VAV3: variants seen among roughly 807,000 people sequenced by gnomAD.
The protein encoded by VAV3 is guanine nucleotide exchange factor VAV3.
A neutral mutation model predicts 131.2 loss-of-function variants in VAV3; 94 were observed. That is an observed-to-expected ratio of 0.72 (90% confidence interval 0.61 to 0.85). The LOEUF (loss-of-function observed/expected upper bound fraction) is 0.85, where lower values mean the gene tolerates loss of function less well. Ranked by LOEUF, VAV3 falls within the 40% of genes least tolerant of loss-of-function variation. The pLI is 0.00. For missense variants in VAV3, 939 were observed against 1,002.7 expected (o/e 0.94, Z 0.86); for synonymous variants, 349 against 342.0 (o/e 1.02, Z -0.22).
intron 1 of VAV3, among the ~76,000 whole-genome samples, chr1:107,925,674 G>T (rs1006099377): frequency 3.3e-5 from 5 of 152,054 alleles, no homozygotes; most frequent in Non-Finnish European, 5.9e-5. Flanking sequence ...CAATGGCTAG[G>T]GGAAGGGGGA....
At chr1:107,707,252 C>T (rs1245731434) in intron 15 of VAV3, among the ~76,000 whole-genome samples, 2 of 151,944 alleles carry the variant, frequency 1.3e-5, no homozygotes, top group Non-Finnish European at 1.5e-5. Flanking sequence ...ACTCTATGAC[C>T]CTGAAACTGC....
chr1:107,602,628 C>A, intron 23 of VAV3, 144 bp from the exon 24 acceptor site: 1 of 578,734 alleles, frequency 1.7e-6, no homozygotes, highest in Non-Finnish European at 2.8e-6. Flanking sequence ...CTGGTGACAG[C>A]TAATTAACAA....
Position 107,955,000 on chromosome 1 carries a change from T to C in VAV3, c.204+9666A>G, listed in dbSNP as rs550234117. On this transcript the variant is annotated intron_variant, in intron 1 of 26. Transcript: ENST00000370056. The stretch of plus-strand genomic sequence containing the variant: ...TTGGACAATTAGATGAGATAATGCA[T>C]GGAAAGCTTTAGTAACTGCCTTGTA... Among the ~76,000 whole-genome samples the C allele has an allele frequency of 8.8e-4, 134 of 152,316 alleles. 1 individual carries two copies. The highest frequency in any genetic ancestry group is 3.1e-3 in the African/African-American group (130 of 41,574).
chr1:107,768,539 T>A (rs767676503), intron 6 of VAV3, 30 bp from the exon 7 acceptor site: 1 of 1,548,024 alleles, frequency 6.5e-7, no homozygotes, highest in Non-Finnish European at 8.9e-7. Flanking sequence ...AAATAGTAAT[T>A]AAGTATAACT....
At position 107,751,109 on chromosome 1, in the gene VAV3, T is replaced by C. The variant is rs1663695693; in HGVS notation, c.1259+8A>G. 1 of 1,607,078 alleles carries C rather than the reference T, an allele frequency of 6.2e-7. No individual in the cohort carries two copies. Among genetic ancestry groups the C allele is most frequent in the East Asian group, 2.2e-5 (1 of 44,720 alleles). On this transcript the variant is annotated splice_region_variant and intron_variant, in intron 13 of 26. Transcript: ENST00000370056. ...CTTATTTTGAAAATAGTATTCTTCT[T>C]TTCTTACCTTTCTTGTTTGGTATGC...
chr1:107,746,718 A>T (rs1285568781), intron 15 of VAV3, among the ~76,000 whole-genome samples: 1 of 152,194 alleles, frequency 6.6e-6, no homozygotes, highest in Admixed American at 6.5e-5. Context: ...ATGTAACAGA[A>T]GCGAGTGGTA....
chr1:107,701,994 C>T (rs1660160924), intron 17 of VAV3, among the ~76,000 whole-genome samples: 2 of 152,216 alleles, frequency 1.3e-5, no homozygotes, highest in Non-Finnish European at 2.9e-5. Flanking sequence ...TCCAAAGTCG[C>T]TTCCACATTT....
chr1:107,592,622 A>G (rs111816115), intron 25 of VAV3, among the ~76,000 whole-genome samples: 7,892 of 152,172 alleles, frequency 0.052, 222 homozygotes, highest in Middle Eastern at 0.088. Flanking sequence ...ATCTGTTAAC[A>G]TTACCTTACC....
chr1:107,598,590 C>T (rs1187640168), intron 24 of VAV3, among the ~76,000 whole-genome samples: 8 of 151,868 alleles, frequency 5.3e-5, no homozygotes, highest in South Asian at 2.1e-4. Flanking sequence ...GTAATCAGAC[C>T]GACCTTTAAA....
chr1:107,884,470 T>G (rs1253377751), intron 1 of VAV3, among the ~76,000 whole-genome samples: 2 of 150,292 alleles, frequency 1.3e-5, no homozygotes, highest in East Asian at 3.9e-4. Flanking sequence ...AGGTTCTTTC[T>G]TGCTCTGTCA....
At chr1:107,752,541 C>T (rs1663800915) in intron 12 of VAV3, among the ~76,000 whole-genome samples, 1 of 151,982 alleles carries the variant, frequency 6.6e-6, no homozygotes, top group African/African-American at 2.4e-5. Flanking sequence ...AAAGTATTTG[C>T]AAACCATATG....
intron 12 of VAV3, among the ~76,000 whole-genome samples, chr1:107,752,272 A>T (rs1663781250): frequency 6.6e-6 from 1 of 152,214 alleles, no homozygotes; most frequent in African/African-American, 2.4e-5. Context: ...TGCTGGGAAA[A>T]CTGGATATCC....
At chr1:107,804,761 G>T (rs970508557) in intron 2 of VAV3, among the ~76,000 whole-genome samples, 3 of 151,580 alleles carry the variant, frequency 2.0e-5, no homozygotes, top group East Asian at 1.9e-4. Flanking sequence ...AATATTTTTG[G>T]TTTTTTTTGT....
intron 2 of VAV3, among the ~76,000 whole-genome samples, chr1:107,847,422 C>T (rs941564726): frequency 2.8e-4 from 43 of 151,924 alleles, no homozygotes; most frequent in South Asian, 2.1e-4. Context: ...TAACTAAGAT[C>T]AGAGCAGAAA....
intron 25 of VAV3, among the ~76,000 whole-genome samples, chr1:107,593,261 C>T (rs1475129936): frequency 6.6e-6 from 1 of 152,102 alleles, no homozygotes; most frequent in Admixed American, 6.6e-5. Context: ...TCACATTGTA[C>T]ATACTTGAAA....
chr1:107,763,560 G>A (rs535046693), intron 9 of VAV3, among the ~76,000 whole-genome samples: 5 of 149,460 alleles, frequency 3.3e-5, no homozygotes, highest in Non-Finnish European at 7.5e-5. Flanking sequence ...AGTCACAGTG[G>A]CTCCCAGCTC....
chr1:107,760,111 G>A (rs1409999310), intron 10 of VAV3, among the ~76,000 whole-genome samples: 1 of 152,142 alleles, frequency 6.6e-6, no homozygotes, highest in Non-Finnish European at 1.5e-5. Flanking sequence ...ACGCAAAATT[G>A]TATTTCACAT....
intron 2 of VAV3, among the ~76,000 whole-genome samples, chr1:107,832,093 T>C (rs898306156): frequency 3.9e-5 from 6 of 152,192 alleles, no homozygotes; most frequent in African/African-American, 1.4e-4. Context: ...GTCAGTCTCA[T>C]CTGGCAAGTA....
chr1:107,744,593 AAAAC>A lies in VAV3; in HGVS notation c.1502+4371_1502+4374del, dbSNP rs754453566. On this transcript the variant is annotated intron_variant, in intron 15 of 26. Transcript: ENST00000370056. ...TTTTGCTAACTTTTCTTTTTTTAAAAAAACAAACAAACATTTTTTGCCATTAAAA... is the reference window on the plus strand; with the variant it reads ...TTTTGCTAACTTTTCTTTTTTTAAAAAAACAAACATTTTTTGCCATTAAAA... Among the ~76,000 whole-genome samples, 42 of 152,340 alleles carry A rather than the reference AAAAC, an allele frequency of 2.8e-4. No individual in the cohort carries two copies. In the East Asian group the frequency reaches 6.0e-3, roughly 22 times the overall value.
Sources: gnomAD v4.1 joint callset for allele counts (sites outside exome capture counted in the v4.1 genomes callset) on GRCh38, gnomAD v4.1.1 for gene constraint, MANE v1.5 for transcripts, NCBI Gene and HGNC (gene_info 2026-07-23, HGNC 2026-07-21) for gene names.